The following DENND2B variants were observed in gnomAD, a reference collection of about 807,000 sequenced individuals.
The protein encoded by DENND2B is DENN domain-containing protein 2B.
In DENND2B, 32 loss-of-function variants were observed where a neutral mutation model predicts 116.0. That is an observed-to-expected ratio of 0.28 (90% CI 0.21 to 0.37). DENND2B has a LOEUF of 0.37. Among genes scored for constraint, DENND2B ranks in the 10% least tolerant of loss-of-function variants. The pLI, the probability that DENND2B is intolerant of heterozygous loss-of-function variation, is 1.00. For synonymous variants in DENND2B, 588 were observed against 583.9 expected (o/e 1.01, Z -0.10); for missense variants, 1,276 against 1,477.7 (o/e 0.86, Z 2.24).
rs555073653 is a variant in DENND2B at position 8,718,681 on chromosome 11, G to C, written c.1478-789C>G. Reference sequence around the variant, plus strand: ...AGGCTTGGAAGGAGTCTGGGCCAAAGGGTGGGGGTGAGGGGAGTTCTTGCT... The same window carrying C: ...AGGCTTGGAAGGAGTCTGGGCCAAACGGTGGGGGTGAGGGGAGTTCTTGCT... On this transcript the variant is annotated intron_variant, in intron 4 of 19. Transcript: ENST00000313726. 3.3e-6 allele frequency: 4 copies of C among 1,212,528 alleles called. No homozygotes were observed. The South Asian group carries it at 9.5e-5, about 29-fold the overall frequency. 75.1% of individuals were successfully genotyped at this position (1,212,528 alleles called of 1,614,324 possible).
chr11:8,714,145 TCTCTGGGCTA>T, intron 7 of DENND2B, 103 bp from the exon 8 acceptor site: 2 of 1,199,082 alleles, frequency 1.7e-6, no homozygotes, highest in East Asian at 4.7e-5. Context: ...ATCTCTACCT[TCTCTGGGCTA>T]CTCTGGGCCC....
intron 14 of DENND2B, among the ~76,000 whole-genome samples, chr11:8,700,718 G>A (rs1040927186): frequency 2.0e-5 from 3 of 152,148 alleles, no homozygotes; most frequent in Non-Finnish European, 4.4e-5. Flanking sequence ...AAAACAATAT[G>A]TAACATGTTG....
At chr11:8,732,096 T>A (rs962246016) in intron 2 of DENND2B, among the ~76,000 whole-genome samples, 1 of 152,198 alleles carries the variant, frequency 6.6e-6, no homozygotes. Flanking sequence ...TTTTCCACTC[T>A]ATCATTGAGG....
At chr11:8,740,889 G>T (rs866137530) in intron 2 of DENND2B, among the ~76,000 whole-genome samples, 1 of 152,204 alleles carries the variant, frequency 6.6e-6, no homozygotes, top group Admixed American at 6.5e-5. Flanking sequence ...ACTCTTGAGC[G>T]TGGAGGAGAA....
chr11:8,697,704 G>C, intron 16 of DENND2B, 68 bp from the exon 17 acceptor site: 1 of 1,018,966 alleles, frequency 9.8e-7, no homozygotes, highest in Non-Finnish European at 1.6e-6. Flanking sequence ...GCTAAGACCT[G>C]TTAGAAGAGC....
chr11:8,730,644 A>G lies in DENND2B; in HGVS notation c.646T>C (p.Ser216Pro). Residue 216 changes from serine (S) to proline (P), a missense_variant, in exon 3 of 20, where the codon TCT becomes CCT. Transcript: ENST00000313726. This position sits in a 1 kb window ranked among gnomAD's most constrained non-coding sequence, Gnocchi z 4.1. ...CPSVVPSPCS[S>P]EKTFDFKGLR... ...CCCTTGAAATCAAAGGTCTTTTCAG[A>G]GCTGCAGGGGGACGGCACCACGCTG... 6.2e-7 allele frequency: 1 copy of G among 1,612,804 alleles called. No homozygotes were observed.
intron 6 of DENND2B, 185 bp from the exon 7 acceptor site, chr11:8,714,891 G>C: frequency 1.7e-6 from 1 of 579,074 alleles, no homozygotes. Context: ...ATGCATGGTA[G>C]CTCTCCATAT....
chr11:8,801,906 C>G (rs60298595), intron 1 of DENND2B, among the ~76,000 whole-genome samples: 5,629 of 146,514 alleles, frequency 0.038, 293 homozygotes, highest in East Asian at 0.12. Context: ...GTGGGAGGAT[C>G]GCTTGAGCCA....
intron 1 of DENND2B, among the ~76,000 whole-genome samples, chr11:8,782,286 T>C (rs1196837849): frequency 6.6e-6 from 1 of 152,246 alleles, no homozygotes; most frequent in Non-Finnish European, 1.5e-5. Context: ...GTGTATAACA[T>C]TTTAAAACAC....
chr11:8,730,093 G>C lies in DENND2B; in HGVS notation c.1197C>G (p.Asp399Glu), dbSNP rs3812762. ...TACTGGGCTTACTCTTGGGGTTCTT[G>C]TCAGCCTCGTATTCAAAGGTGCGCT... is the stretch of plus-strand genomic sequence containing the variant. ...KPKRTFEYEA[D>E]KNPKSKPSNG... is the part of the protein sequence containing the mutation. The change falls in exon 3 of 20, where the codon GAC (aspartate) becomes GAG (glutamate). Residue 399 changes from aspartate (D) to glutamate (E), a missense_variant. By Grantham distance (45) the Asp-to-Glu change is conservative. Transcript: ENST00000313726. This position sits in a 1 kb window ranked among gnomAD's most constrained non-coding sequence, Gnocchi z 4.1. 0.31 allele frequency: 501,892 copies of C among 1,613,946 alleles called. 80,383 individuals carry two copies. Among genetic ancestry groups the C allele is most frequent in the Middle Eastern group, 0.43 (2,578 of 6,062 alleles).
At chr11:8,741,914 C>G (rs1255951265) in intron 2 of DENND2B, among the ~76,000 whole-genome samples, 2 of 142,334 alleles carry the variant, frequency 1.4e-5, no homozygotes, top group East Asian at 4.3e-4. Flanking sequence ...TTTTGAGAGA[C>G]AGTGTCTCAC....
chr11:8,777,859 T>A (rs2057914916), intron 1 of DENND2B, among the ~76,000 whole-genome samples: 1 of 152,210 alleles, frequency 6.6e-6, no homozygotes, highest in Non-Finnish European at 1.5e-5. Context: ...GTAATCTACC[T>A]GAACCTCAAG....
chr11:8,739,380 T>A (rs1255887218), intron 2 of DENND2B, among the ~76,000 whole-genome samples: 1 of 152,234 alleles, frequency 6.6e-6, no homozygotes, highest in Admixed American at 6.5e-5. Flanking sequence ...TCTCTGTGCC[T>A]CAGGTTCTTT....
chr11:8,786,527 A>T (rs1453946133), intron 1 of DENND2B, among the ~76,000 whole-genome samples: 1 of 152,180 alleles, frequency 6.6e-6, no homozygotes, highest in Non-Finnish European at 1.5e-5. Context: ...CAGGATTAGG[A>T]AGGCCAGGCA....
chr11:8,733,901 A>G (rs1394293944), intron 2 of DENND2B, among the ~76,000 whole-genome samples: 1 of 152,232 alleles, frequency 6.6e-6, no homozygotes, highest in African/African-American at 2.4e-5. Context: ...AATAGAGAGT[A>G]GACTGGCCCT....
At chr11:8,860,504 A>G (rs753648922) in intron 2 of DENND2B, among the ~76,000 whole-genome samples, 2 of 152,162 alleles carry the variant, frequency 1.3e-5, no homozygotes, top group African/African-American at 2.4e-5. Context: ...AAAGAGCACT[A>G]CAAGGAGAAC....
intron 1 of DENND2B, among the ~76,000 whole-genome samples, chr11:8,894,552 G>GA (rs201339906): frequency 6.6e-6 from 1 of 150,770 alleles, no homozygotes. Context: ...AAATTTACAA[G>GA]AAAAAAACAA....
rs1000639177 is a variant in DENND2B at position 8,702,292 on chromosome 11, C to T, written c.2720+280G>A. Among the ~76,000 whole-genome samples the T allele has an allele frequency of 6.6e-6, 1 of 152,214 alleles. No homozygotes were observed. Among genetic ancestry groups the T allele is most frequent in the African/African-American group, 2.4e-5 (1 of 41,448 alleles). ...CTTTCCCCTTTACATATCCCGGCACCTGCACAGTCTTGGCTGTTGCAAAGG... is the reference window on the plus strand; with the variant it reads ...CTTTCCCCTTTACATATCCCGGCACTTGCACAGTCTTGGCTGTTGCAAAGG... On this transcript the variant is annotated intron_variant, in intron 14 of 19. Transcript: ENST00000313726. The surrounding 1 kb of genome is among the most constrained non-coding windows in gnomAD (Gnocchi z 4.6).
intron 1 of DENND2B, among the ~76,000 whole-genome samples, chr11:8,901,229 C>CTTTTCTTTTCTTTTTTTTTTT (rs781408078): frequency 8.0e-4 from 67 of 83,914 alleles, no homozygotes; most frequent in Non-Finnish European, 1.2e-3. Flanking sequence ...CTTTTCTTTT[C>CTTTTCTTTTCTTTTTTTTTTT]TTTTTTTTTT....
Sources: allele counts gnomAD v4.1 joint callset (sites outside exome capture counted in the v4.1 genomes callset), GRCh38; gene constraint gnomAD v4.1.1; non-coding constraint Gnocchi (gnomAD v3.1); transcripts MANE v1.5; gene names NCBI Gene and HGNC (gene_info 2026-07-23, HGNC 2026-07-21).